Variants in CACNA1C observed in about 807,000 individuals in gnomAD.
CACNA1C encodes the protein voltage-dependent L-type calcium channel subunit alpha-1C.
A neutral mutation model predicts 229.0 loss-of-function variants in CACNA1C; 30 were observed. The ratio of observed to expected loss-of-function variants is 0.13; its 90% CI spans 0.10 to 0.18. The LOEUF (loss-of-function observed/expected upper bound fraction) is 0.18, where lower values mean the gene tolerates loss of function less well. Ranked by LOEUF, CACNA1C falls within the 10% of genes least tolerant of loss-of-function variation. The probability of loss-of-function intolerance (pLI) is 1.00; values close to 1 mark genes in which losing one functional copy is unlikely to be tolerated. For missense variants in CACNA1C, 1,658 were observed against 2,845.0 expected (o/e 0.58, Z 9.49); for synonymous variants, 1,114 against 1,132.5 (o/e 0.98, Z 0.33).
At chr12:2,191,317 C>T (rs1474427492) in intron 3 of CACNA1C, among the ~76,000 whole-genome samples, 1 of 152,150 alleles carries the variant, frequency 6.6e-6, no homozygotes, top group African/African-American at 2.4e-5. Flanking sequence ...TGGCTCTGGG[C>T]TTGGTCCTTA....
In CACNA1C at chr12:2,184,644, A is replaced by G. The variant is rs1033819528; in HGVS notation, c.477+64214A>G. Among the ~76,000 whole-genome samples, 4 of 152,270 alleles carry G rather than the reference A, an allele frequency of 2.6e-5. No individual in the cohort carries two copies. The East Asian group carries it at 7.7e-4, about 29-fold the overall frequency. On this transcript the variant is annotated intron_variant, in intron 3 of 46. Transcript: ENST00000399655. ...CTGTTCATTTATCTGTTCAACAACT[A>G]TTTCTTGCTTGTCAACCATGTTCTA...
At chr12:2,550,771 C>A in intron 10 of CACNA1C, 1 of 876,604 alleles carries the variant, frequency 1.1e-6, no homozygotes, top group African/African-American at 1.7e-5. Context: ...GCAGCCCTTT[C>A]ACAACGCTGA....
intron 3 of CACNA1C, among the ~76,000 whole-genome samples, chr12:2,328,115 T>G (rs2096401794): frequency 6.6e-6 from 1 of 152,340 alleles, no homozygotes; most frequent in Middle Eastern, 3.4e-3. Context: ...GCGGCAAGGC[T>G]GCTGGCTCCT....
Position 2,320,534 on chromosome 12 carries a change from A to G in CACNA1C, c.478-128442A>G, listed in dbSNP as rs902833099. Among the ~76,000 whole-genome samples the G allele has an allele frequency of 1.3e-5, 2 of 152,102 alleles. 1 individual carries two copies. The highest frequency in any genetic ancestry group is 4.8e-5 in the African/African-American group (2 of 41,414). On this transcript the variant is annotated intron_variant, in intron 3 of 46. Coordinates refer to ENST00000399655, the MANE Select transcript of CACNA1C (RefSeq NM_000719.7). ...AATCACCCTCTGCCCCCGCTCCTCCATTTACCTTGCCTGTGGCATTAGTGG... is the reference window on the plus strand; with the variant it reads ...AATCACCCTCTGCCCCCGCTCCTCCGTTTACCTTGCCTGTGGCATTAGTGG...
At position 2,597,992 on chromosome 12, in the gene CACNA1C, A is replaced by C. The variant is rs1371122485; in HGVS notation, c.2853+703A>C. On this transcript the variant is annotated intron_variant, in intron 21 of 46. Coordinates refer to ENST00000399655, the MANE Select transcript of CACNA1C (RefSeq NM_000719.7). This position sits in a 1 kb window ranked among gnomAD's most constrained non-coding sequence, Gnocchi z 4.3. ...TAGCACCTTCCTCAGTACTTGCAGC[A>C]GATATTGGGTCTAAGCTGGAGTTGG... is the stretch of plus-strand genomic sequence containing the variant. 2.6e-5 allele frequency among the ~76,000 whole-genome samples: 4 copies of C among 152,188 alleles called. No individual in the cohort carries two copies. The highest frequency in any genetic ancestry group is 2.6e-4 in the Admixed American group (4 of 15,286).
Position 2,041,270 on chromosome 12 carries a change from C to CCTTTTT in CACNA1C, c.139+70069_139+70070insCTTTTT, listed in dbSNP as rs1431120411. Reference sequence around the variant, plus strand: ...GGGTCACAGTGATGCTAAGGGTATTCTTTTTTTTTTTTTTTTTTTTTTTTG... The same window carrying CCTTTTT: ...GGGTCACAGTGATGCTAAGGGTATTCCTTTTTTTTTTTTTTTTTTTTTTTTTTTTTG... On this transcript the variant is annotated intron_variant, in intron 1 of 46. Coordinates refer to the CACNA1C transcript ENST00000682462. Among the ~76,000 whole-genome samples, 43 of 90,992 alleles carry CCTTTTT rather than the reference C, an allele frequency of 4.7e-4. 1 individual carries two copies. Among genetic ancestry groups the CCTTTTT allele is most frequent in the African/African-American group, 1.8e-3 (43 of 23,884 alleles). The allele number at this position is 90,992 out of a possible 152,430, so 59.7% of individuals were successfully genotyped here. A position where few individuals can be genotyped will look rare whatever the true frequency, so the allele number is the denominator to read the frequency against.
At chr12:2,619,981 A>G (rs1382433266) in intron 29 of CACNA1C, among the ~76,000 whole-genome samples, 2 of 152,058 alleles carry the variant, frequency 1.3e-5, no homozygotes, top group Admixed American at 6.5e-5. Flanking sequence ...TCATATTTCA[A>G]CTTAAAAGAA....
intron 3 of CACNA1C, among the ~76,000 whole-genome samples, chr12:2,439,218 G>A (rs2099190554): frequency 6.6e-6 from 1 of 152,204 alleles, no homozygotes; most frequent in Non-Finnish European, 1.5e-5. Flanking sequence ...GCAGGTGGCT[G>A]GCCTGGGTGG....
intron 3 of CACNA1C, among the ~76,000 whole-genome samples, chr12:2,191,727 CGTACACACAG>C (rs746067017): frequency 2.6e-5 from 4 of 151,606 alleles, no homozygotes; most frequent in African/African-American, 7.3e-5. Flanking sequence ...CAGGCACACA[CGTACACACAG>C]GCACACACAT....
chr12:2,504,585 G>T lies in CACNA1C; in HGVS notation c.1114-257G>T. The T allele has an allele frequency of 8.5e-7, 1 of 1,182,864 alleles. No homozygotes were observed. The highest frequency in any genetic ancestry group is 1.3e-6 in the Non-Finnish European group (1 of 787,536). The allele number at this position is 1,182,864 out of a possible 1,614,324, so 73.3% of individuals were successfully genotyped here. A position where few individuals can be genotyped will look rare whatever the true frequency, so the allele number is the denominator to read the frequency against. ...TCCTCTCCACAACGCAGCCGAGCAA[G>T]GTCTCAGGTTCCACTCCGTACATGC... On this transcript the variant is annotated intron_variant, in intron 7 of 46. Transcript: ENST00000399655. This position sits in a 1 kb window ranked among gnomAD's most constrained non-coding sequence, Gnocchi z 6.8.
intron 9 of CACNA1C, among the ~76,000 whole-genome samples, chr12:2,549,699 T>A (rs779415873): frequency 1.2e-4 from 19 of 152,178 alleles, no homozygotes; most frequent in Non-Finnish European, 2.2e-4. Context: ...AAAATGCTCT[T>A]ATTACCAGAT....
intron 3 of CACNA1C, among the ~76,000 whole-genome samples, chr12:2,241,739 A>AT: frequency 6.6e-6 from 1 of 152,146 alleles, no homozygotes; most frequent in Non-Finnish European, 1.5e-5. Context: ...TCATGGGGGA[A>AT]TTTTGTGGAA....
intron 3 of CACNA1C, among the ~76,000 whole-genome samples, chr12:2,389,857 C>T (rs1245147610): frequency 6.6e-6 from 1 of 152,182 alleles, no homozygotes; most frequent in African/African-American, 2.4e-5. Flanking sequence ...CCCTCTGTCC[C>T]CTGGGCAAGT....
At chr12:2,279,186 T>G (rs1308785657) in intron 3 of CACNA1C, among the ~76,000 whole-genome samples, 1 of 152,202 alleles carries the variant, frequency 6.6e-6, no homozygotes, top group African/African-American at 2.4e-5. Context: ...TCTCAGTCTG[T>G]GTCATCTTTT....
intron 5 of CACNA1C, among the ~76,000 whole-genome samples, chr12:2,463,425 C>A (rs1253446788): frequency 6.6e-6 from 1 of 152,002 alleles, no homozygotes; most frequent in African/African-American, 2.4e-5. Context: ...TTCTAGAGAG[C>A]TTGAAGTGTA....
At chr12:2,211,030 A>G (rs571247816) in intron 3 of CACNA1C, among the ~76,000 whole-genome samples, 2 of 152,336 alleles carry the variant, frequency 1.3e-5, no homozygotes, top group African/African-American at 4.8e-5. Flanking sequence ...AACATAAAGC[A>G]TTCAAAAGAG....
At chr12:2,076,158 A>G (rs143356671) in intron 1 of CACNA1C, among the ~76,000 whole-genome samples, 2,481 of 152,276 alleles carry the variant, frequency 0.016, 73 homozygotes, top group African/African-American at 0.056. Flanking sequence ...TGAGAAAAAA[A>G]GATCCTTACA....
chr12:2,457,045 CCA>C (rs2099430810), intron 4 of CACNA1C, among the ~76,000 whole-genome samples: 1 of 152,212 alleles, frequency 6.6e-6, no homozygotes, highest in Admixed American at 6.5e-5. Context: ...AACCACTCAA[CCA>C]TTCATTCATT....
chr12:2,168,682 C>T (rs1175501323), intron 3 of CACNA1C, among the ~76,000 whole-genome samples: 1 of 152,150 alleles, frequency 6.6e-6, no homozygotes, highest in Non-Finnish European at 1.5e-5. Context: ...AAATGGCCTA[C>T]TATTAACCTG....
Sources: gnomAD v4.1 joint callset for allele counts (sites outside exome capture counted in the v4.1 genomes callset) on GRCh38, gnomAD v4.1.1 for gene constraint, Gnocchi (gnomAD v3.1) non-coding constraint, MANE v1.5 for transcripts, NCBI Gene and HGNC (gene_info 2026-07-23, HGNC 2026-07-21) for gene names.